AQP2: variants seen among roughly 807,000 people sequenced by gnomAD.
The protein encoded by AQP2 is aquaporin 2.
A neutral mutation model predicts 21.6 loss-of-function variants in AQP2; 20 were observed. That is an observed-to-expected ratio of 0.92 (90% CI 0.65 to 1.34). The LOEUF (loss-of-function observed/expected upper bound fraction) is 1.34, where lower values mean the gene tolerates loss of function less well. Among genes scored for constraint, AQP2 ranks in the 40% most tolerant of loss-of-function variants. The pLI is 0.00. For synonymous variants in AQP2, 168 were observed against 166.9 expected, an observed-to-expected ratio of 1.01 and a Z score of -0.05; for missense variants, 325 against 363.4, an observed-to-expected ratio of 0.89 and a Z score of 0.86.
chr12:49,955,592 G>T lies in AQP2; in HGVS notation c.800G>T (p.Arg267Leu). 6.4e-7 allele frequency: 1 copy of T among 1,571,626 alleles called. No individual in the cohort carries two copies. Residue 267 changes from arginine to leucine, a missense_variant, in exon 4 of 4, where the codon CGG (arginine) becomes CTG (leucine). By Grantham distance (102) the Arg-to-Leu change is moderately radical. Coordinates refer to ENST00000199280, the MANE Select transcript of AQP2 (RefSeq NM_000486.6). ...VELHSPQSLP[R>L]GTKA ...CTGCACTCGCCGCAGAGCCTGCCAC[G>T]GGGTACCAAGGCCTGAGGGCCGCCA...
chr12:49,953,562 A>T (rs908850829), intron 1 of AQP2, among the ~76,000 whole-genome samples: 10 of 152,214 alleles, frequency 6.6e-5, no homozygotes, highest in Non-Finnish European at 1.2e-4. Context: ...CTAACAGGGC[A>T]AACCTGAGGC....
intron 1 of AQP2, chr12:49,952,230 C>T (rs1174473080): frequency 6.6e-6 from 1 of 152,214 alleles, no homozygotes; most frequent in Admixed American, 6.5e-5. Context: ...AGGCCATTCT[C>T]TTGCCTCAGC....
At chr12:49,952,262 G>C (rs1323361719) in intron 1 of AQP2, among the ~76,000 whole-genome samples, 1 of 151,984 alleles carries the variant, frequency 6.6e-6, no homozygotes, top group African/African-American at 2.4e-5. Context: ...TTACACGCCT[G>C]TAATCCCAGC....
At position 49,955,490 on chromosome 12, in the gene AQP2, G is replaced by A; in HGVS notation, c.698G>A (p.Arg233His). 2 of 1,612,804 alleles carry A rather than the reference G, an allele frequency of 1.2e-6. No individual in the cohort carries two copies. Among genetic ancestry groups the A allele is most frequent in the Non-Finnish European group, 1.7e-6 (2 of 1,179,836 alleles). The change falls in exon 4 of 4, where the codon CGC becomes CAC. Residue 233 changes from arginine to histidine, a missense_variant. Coordinates refer to ENST00000199280, the MANE Select transcript of AQP2 (RefSeq NM_000486.6). Reference sequence around the variant, plus strand: ...CCGCCAGCCAAGAGCCTGTCGGAGCGCCTGGCAGTGCTGAAGGGCCTGGAG... The same window carrying A: ...CCGCCAGCCAAGAGCCTGTCGGAGCACCTGGCAGTGCTGAAGGGCCTGGAG... ...LFPPAKSLSERLAVLKGLEPD... is the reference protein window; with the variant it reads ...LFPPAKSLSEHLAVLKGLEPD...
rs104894334 is a variant in AQP2, at chr12:49,954,233, G to A, written c.439G>A (p.Ala147Thr). 3.6e-5 allele frequency: 57 copies of A among 1,605,318 alleles called. No homozygotes were observed. The highest frequency in any genetic ancestry group is 4.5e-5 in the East Asian group (2 of 44,892). The change falls in exon 2 of 4, where the codon GCC (alanine) becomes ACC (threonine). Residue 147 changes from alanine to threonine, a missense_variant. Physicochemically the swap from Ala to Thr is moderately conservative, Grantham distance 58. Coordinates refer to ENST00000199280, the MANE Select transcript of AQP2 (RefSeq NM_000486.6). ...ACTGCAGCTGGTGCTCTGCATCTTC[G>A]CCTCCACCGATGAGCGCCGCGGAGA... ...LTLQLVLCIFASTDERRGENP... is the reference protein window; with the variant it reads ...LTLQLVLCIFTSTDERRGENP...
rs143886391 is a variant in AQP2, at chr12:49,954,232, C to A, written c.438C>A (p.Phe146Leu). 3.7e-6 allele frequency: 6 copies of A among 1,605,362 alleles called. No individual in the cohort carries two copies. In the Admixed American group the frequency reaches 1.0e-4, roughly 27 times the overall value. Residue 146 changes from phenylalanine to leucine, a missense_variant, in exon 2 of 4, where the codon TTC becomes TTA. Coordinates refer to ENST00000199280, the MANE Select transcript of AQP2 (RefSeq NM_000486.6). ...CACTGCAGCTGGTGCTCTGCATCTT[C>A]GCCTCCACCGATGAGCGCCGCGGAG... is the stretch of plus-strand genomic sequence containing the variant. Reference protein sequence around the residue: ...FLTLQLVLCIFASTDERRGEN... With the variant: ...FLTLQLVLCILASTDERRGEN...
chr12:49,958,623 C>T lies in AQP2; in HGVS notation c.*3015C>T, dbSNP rs1482144134. The T allele has an allele frequency of 6.6e-6, 1 of 152,284 alleles. No individual in the cohort carries two copies. Among genetic ancestry groups the T allele is most frequent in the Admixed American group, 6.5e-5 (1 of 15,286 alleles). 9.4% of individuals were successfully genotyped at this position (152,284 alleles called of 1,614,324 possible). On this transcript the variant is annotated 3_prime_UTR_variant, in exon 4 of 4. Coordinates refer to ENST00000199280, the MANE Select transcript of AQP2 (RefSeq NM_000486.6). ...GACAGGTAGACAGACCTCCAGGTCC[C>T]TAAGCTGGGGACAGAGAAGGTTCTG...
Position 49,956,236 on chromosome 12 carries a change from C to G in AQP2, c.*628C>G, listed in dbSNP as rs1374518079. 6.5e-6 allele frequency: 1 copy of G among 153,192 alleles called. No individual in the cohort carries two copies. Among genetic ancestry groups the G allele is most frequent in the Non-Finnish European group, 1.5e-5 (1 of 68,746 alleles). 9.5% of individuals were successfully genotyped at this position (153,192 alleles called of 1,614,324 possible). On this transcript the variant is annotated 3_prime_UTR_variant, in exon 4 of 4. Transcript: ENST00000199280. ...GGAGAAGGGGAAGGGAAGGAGGCCACTTTGAGAGGGCTGAAGGGAGGGCCT... is the reference window on the plus strand; with the variant it reads ...GGAGAAGGGGAAGGGAAGGAGGCCAGTTTGAGAGGGCTGAAGGGAGGGCCT...
chr12:49,951,175 C>T lies in AQP2; in HGVS notation c.345C>T (p.Asp115=), dbSNP rs60629501. 2.1e-3 allele frequency: 3,342 copies of T among 1,605,318 alleles called. 69 individuals are homozygous for T. The African/African-American group carries it at 0.038, about 18-fold the overall frequency. The change falls in exon 1 of 4, where the codon GAC becomes GAT. Residue 115 remains aspartate, a synonymous_variant. Coordinates refer to ENST00000199280, the MANE Select transcript of AQP2 (RefSeq NM_000486.6). ...TCACGCCAGCAGACATCCGCGGGGA[C>T]CTGGCTGTCAATGCTGTGAGTAGCC... ...HEITPADIRG[D]LAVNALSNST...
At chr12:49,952,965 G>A (rs776930152) in intron 1 of AQP2, among the ~76,000 whole-genome samples, 11 of 152,180 alleles carry the variant, frequency 7.2e-5, no homozygotes, top group Non-Finnish European at 1.0e-4. Context: ...TTCCCCCTAT[G>A]GTGAGTGGCA....
chr12:49,955,250 G>A lies in AQP2; in HGVS notation c.607-149G>A, dbSNP rs555295268. The A allele has an allele frequency of 1.1e-5, 10 of 869,834 alleles. No homozygotes were observed. In the East Asian group the frequency reaches 2.4e-4, roughly 21 times the overall value. The allele number at this position is 869,834 out of a possible 1,614,324, so 53.9% of individuals were successfully genotyped here. ...ACTGACAAGGCTTCCCCAGCAGCTG[G>A]CGTTGTCGTTGTAATTACATAAATA... On this transcript the variant is annotated intron_variant, in intron 3 of 3. Coordinates refer to ENST00000199280, the MANE Select transcript of AQP2 (RefSeq NM_000486.6).
chr12:49,955,726 C>T lies in AQP2; in HGVS notation c.*118C>T, dbSNP rs536142604. The T allele has an allele frequency of 9.4e-5, 124 of 1,316,922 alleles. 1 individual carries two copies. The East Asian group carries it at 3.1e-3, about 33-fold the overall frequency. The allele number at this position is 1,316,922 out of a possible 1,614,324, so 81.6% of individuals were successfully genotyped here. On this transcript the variant is annotated 3_prime_UTR_variant, in exon 4 of 4. Transcript: ENST00000199280. ...TTGGCCCCCCAGCGCAGAGTAGCTG[C>T]TTCCTGGACGTGCGCGCCCAGGCCA... is the stretch of plus-strand genomic sequence containing the variant.
At chr12:49,953,125 C>T (rs1947341443) in intron 1 of AQP2, among the ~76,000 whole-genome samples, 1 of 152,308 alleles carries the variant, frequency 6.6e-6, no homozygotes, top group South Asian at 2.1e-4. Flanking sequence ...AGTCAGAGGC[C>T]TCCAAAGTGT....
Position 49,957,248 on chromosome 12 carries a change from C to G in AQP2, c.*1640C>G, listed in dbSNP as rs1282702885. 1 of 152,240 alleles carries G rather than the reference C, an allele frequency of 6.6e-6. No homozygotes were observed. Among genetic ancestry groups the G allele is most frequent in the Non-Finnish European group, 1.5e-5 (1 of 68,054 alleles). 9.4% of individuals were successfully genotyped at this position (152,240 alleles called of 1,614,324 possible). A position where few individuals can be genotyped will look rare whatever the true frequency, so the allele number is the denominator to read the frequency against. ...GAGATGGGTTTGGGGCTGGCCCCATCCTGGCCCAGCCTCTTAACCTCTTCT... is the reference window on the plus strand; with the variant it reads ...GAGATGGGTTTGGGGCTGGCCCCATGCTGGCCCAGCCTCTTAACCTCTTCT... On this transcript the variant is annotated 3_prime_UTR_variant, in exon 4 of 4. Coordinates refer to ENST00000199280, the MANE Select transcript of AQP2 (RefSeq NM_000486.6).
intron 1 of AQP2, 111 bp from the exon 2 acceptor site, chr12:49,954,044 G>A (rs1052474726): frequency 1.6e-5 from 24 of 1,467,044 alleles, no homozygotes; most frequent in South Asian, 8.0e-5. Context: ...CAGGTGTTCC[G>A]GCTCCCAGCC....
Position 49,955,495 on chromosome 12 carries a change from G to A in AQP2, c.703G>A (p.Ala235Thr). The A allele has an allele frequency of 6.2e-7, 1 of 1,612,780 alleles. No homozygotes were observed. The highest frequency in any genetic ancestry group is 2.2e-5 in the East Asian group (1 of 44,876). The change falls in exon 4 of 4, where the codon GCA becomes ACA. Residue 235 changes from alanine to threonine, a missense_variant. By Grantham distance (58) the Ala-to-Thr change is moderately conservative (BLOSUM62 0). Transcript: ENST00000199280. ...AGCCAAGAGCCTGTCGGAGCGCCTG[G>A]CAGTGCTGAAGGGCCTGGAGCCGGA... ...PPAKSLSERL[A>T]VLKGLEPDTD...
intron 1 of AQP2, 24 bp downstream of exon 1, chr12:49,951,214 C>T: frequency 6.3e-7 from 1 of 1,595,992 alleles, no homozygotes; most frequent in African/African-American, 1.3e-5. Flanking sequence ...ACTTTGCCAT[C>T]CACAAGGGGC....
Position 49,955,740 on chromosome 12 carries a change from G to C in AQP2, c.*132G>C. On this transcript the variant is annotated 3_prime_UTR_variant, in exon 4 of 4. Coordinates refer to ENST00000199280, the MANE Select transcript of AQP2 (RefSeq NM_000486.6). ...CAGAGTAGCTGCTTCCTGGACGTGC[G>C]CGCCCAGGCCAGTGCTGTGAGCAGG... The C allele has an allele frequency of 8.3e-7, 1 of 1,207,230 alleles. No individual in the cohort carries two copies. Among genetic ancestry groups the C allele is most frequent in the Non-Finnish European group, 1.2e-6 (1 of 850,766 alleles). 74.8% of individuals were successfully genotyped at this position (1,207,230 alleles called of 1,614,324 possible). A position where few individuals can be genotyped will look rare whatever the true frequency, so the allele number is the denominator to read the frequency against.
rs1592817741 is a variant in AQP2, at chr12:49,956,893, G to C, written c.*1285G>C. 6.5e-6 allele frequency: 1 copy of C among 152,716 alleles called. No homozygotes were observed. Among genetic ancestry groups the C allele is most frequent in the Non-Finnish European group, 1.5e-5 (1 of 68,032 alleles). 9.5% of individuals were successfully genotyped at this position (152,716 alleles called of 1,614,324 possible). A position where few individuals can be genotyped will look rare whatever the true frequency, so the allele number is the denominator to read the frequency against. On this transcript the variant is annotated 3_prime_UTR_variant, in exon 4 of 4. Transcript: ENST00000199280. ...TACCACTGGACAGTCATTGTGGATA[G>C]AGCAGCCTGCTGCTCTCAGGACCAG...
Sources: gnomAD v4.1 joint callset for allele counts (sites outside exome capture counted in the v4.1 genomes callset) on GRCh38, gnomAD v4.1.1 for gene constraint, MANE v1.5 for transcripts, NCBI Gene and HGNC (gene_info 2026-07-23, HGNC 2026-07-21) for gene names.